Variants in NAA40 observed in about 807,000 individuals in gnomAD.
NAA40 encodes the protein N-alpha-acetyltransferase 40, NatD catalytic subunit.
NAA40 carries 26 observed loss-of-function variants against 36.6 expected under a neutral mutation model. The ratio of observed to expected loss-of-function variants is 0.71; its 90% CI spans 0.52 to 0.98. The LOEUF (loss-of-function observed/expected upper bound fraction) is 0.98, where lower values mean the gene tolerates loss of function less well. NAA40 is among the 50% of genes least tolerant of loss of function. The pLI is 0.00. For missense variants in NAA40, 237 were observed against 306.5 expected (o/e 0.77, Z 1.69); for synonymous variants, 129 against 108.4 (o/e 1.19, Z -1.18).
intron 3 of NAA40, among the ~76,000 whole-genome samples, chr11:63,947,969 C>T (rs1262878988): frequency 6.6e-6 from 1 of 152,074 alleles, no homozygotes; most frequent in Non-Finnish European, 1.5e-5. Flanking sequence ...ATCCACCTGT[C>T]TCAGCCTCCC....
At chr11:63,946,162 C>T (rs956949262) in intron 2 of NAA40, 5 of 556,628 alleles carry the variant, frequency 9.0e-6, no homozygotes, top group Non-Finnish European at 1.6e-5. Flanking sequence ...GTGGCTGCCT[C>T]CCTGTGGATC....
At chr11:63,947,584 T>C (rs1010208085) in intron 3 of NAA40, among the ~76,000 whole-genome samples, 1 of 152,044 alleles carries the variant, frequency 6.6e-6, no homozygotes, top group South Asian at 2.1e-4. Context: ...GGAGTCTTGC[T>C]TAGTCACCCA....
chr11:63,939,149 G>A, intron 1 of NAA40, 47 bp downstream of exon 1: 1 of 1,566,454 alleles, frequency 6.4e-7, no homozygotes, highest in South Asian at 1.1e-5. Flanking sequence ...GGCGCTCCTC[G>A]CTACCCTCGC....
At chr11:63,952,156 C>T (rs1942289240) in intron 3 of NAA40, 82 bp from the exon 4 acceptor site, 8 of 1,105,822 alleles carry the variant, frequency 7.2e-6, no homozygotes, top group Non-Finnish European at 1.1e-5. Context: ...GGGCCTTCCT[C>T]CCTGTGATTC....
intron 3 of NAA40, among the ~76,000 whole-genome samples, chr11:63,947,777 A>C (rs1191428197): frequency 7.5e-6 from 1 of 133,312 alleles, no homozygotes; most frequent in African/African-American, 2.8e-5. Flanking sequence ...TTCAGGCTGG[A>C]GTGCAGTGGT....
rs569541609 is a variant in NAA40, at chr11:63,939,011, G to T, written c.-86G>T. On this transcript the variant is annotated 5_prime_UTR_variant, in exon 1 of 8. Coordinates refer to ENST00000377793, the MANE Select transcript of NAA40 (RefSeq NM_024771.4). ...TGCGCGTTGCAGGGCCGTCCGCTCT[G>T]CTGCCGCCGCTGTTGCAGCCACCGC... is the stretch of plus-strand genomic sequence containing the variant. 158 of 1,354,714 alleles carry T rather than the reference G, an allele frequency of 1.2e-4. No homozygotes were observed. The South Asian group carries it at 1.9e-3, about 16-fold the overall frequency. The allele number at this position is 1,354,714 out of a possible 1,614,324, so 83.9% of individuals were successfully genotyped here. A position where few individuals can be genotyped will look rare whatever the true frequency, so the allele number is the denominator to read the frequency against.
Position 63,940,643 on chromosome 11 carries a change from G to T in NAA40, c.6+1541G>T, listed in dbSNP as rs1326268074. The stretch of plus-strand genomic sequence containing the variant: ...GCCTTAACTTTACTGATCTAAAATG[G>T]ATTTGTGCTATTTTTAACCCATTGG... On this transcript the variant is annotated intron_variant, in intron 1 of 7. Transcript: ENST00000377793. 5.9e-5 allele frequency among the ~76,000 whole-genome samples: 9 copies of T among 152,180 alleles called. No individual in the cohort carries two copies. The South Asian group carries it at 1.5e-3, about 25-fold the overall frequency.
At chr11:63,946,045 A>G in intron 2 of NAA40, 110 bp downstream of exon 2, 1 of 910,690 alleles carries the variant, frequency 1.1e-6, no homozygotes, top group Non-Finnish European at 1.7e-6. Flanking sequence ...ACCCACCCAC[A>G]CCGCCTCTGC....
At chr11:63,947,075 T>C (rs1167088547) in intron 3 of NAA40, 72 bp downstream of exon 3, 38 of 1,441,292 alleles carry the variant, frequency 2.6e-5, no homozygotes, top group Non-Finnish European at 3.6e-5. Context: ...CAGAGTAGGC[T>C]TCCTCAGACA....
chr11:63,943,437 T>G (rs1590750443), intron 1 of NAA40, among the ~76,000 whole-genome samples: 1 of 152,094 alleles, frequency 6.6e-6, no homozygotes, highest in African/African-American at 2.4e-5. Context: ...CGTGGCAGGG[T>G]GCAAGAATCT....
intron 3 of NAA40, 81 bp downstream of exon 3, chr11:63,947,084 C>A: frequency 1.4e-6 from 2 of 1,393,620 alleles, no homozygotes; most frequent in African/African-American, 1.4e-5. Flanking sequence ...CTTCCTCAGA[C>A]ACAAATTTTC....
At chr11:63,939,563 C>A in intron 1 of NAA40, 1 of 869,554 alleles carries the variant, frequency 1.2e-6, no homozygotes, top group Non-Finnish European at 1.4e-6. Flanking sequence ...TCAGACCCCA[C>A]CTTGGGCCTC....
At chr11:63,949,521 G>A (rs1028085144) in intron 3 of NAA40, among the ~76,000 whole-genome samples, 7 of 151,776 alleles carry the variant, frequency 4.6e-5, no homozygotes, top group Non-Finnish European at 7.4e-5. Flanking sequence ...TTTTTTTCTC[G>A]TTTTGGTTTC....
At chr11:63,946,065 G>A (rs1163481774) in intron 2 of NAA40, 130 bp downstream of exon 2, 5 of 797,548 alleles carry the variant, frequency 6.3e-6, no homozygotes, top group African/African-American at 1.7e-5. Context: ...CCTCCTTGCT[G>A]TGCAGGGAAC....
chr11:63,945,462 C>G (rs115260102), intron 1 of NAA40, among the ~76,000 whole-genome samples: 1 of 152,198 alleles, frequency 6.6e-6, no homozygotes, highest in Non-Finnish European at 1.5e-5. Context: ...CTCCCTGAAG[C>G]GGTCTTCAGT....
intron 1 of NAA40, 122 bp downstream of exon 1, chr11:63,939,224 A>AC: frequency 7.1e-6 from 7 of 989,870 alleles, no homozygotes; most frequent in Non-Finnish European, 8.9e-6. Flanking sequence ...GTGACCCCTG[A>AC]CCCCCACATG....
At position 63,950,150 on chromosome 11, in the gene NAA40, C is replaced by T. The variant is rs536696223; in HGVS notation, c.156-2088C>T. Among the ~76,000 whole-genome samples, 343 of 140,394 alleles carry T rather than the reference C, an allele frequency of 2.4e-3. 1 individual carries two copies. Among genetic ancestry groups the T allele is most frequent in the South Asian group, 0.012 (52 of 4,420 alleles). 92.1% of individuals were successfully genotyped at this position (140,394 alleles called of 152,430 possible). On this transcript the variant is annotated intron_variant, in intron 3 of 7. Coordinates refer to ENST00000377793, the MANE Select transcript of NAA40 (RefSeq NM_024771.4). ...TTTTTTTTTTTTTGAGACAGAGTCT[C>T]GCTCTGTGCCTAGGCTGGAGTGCAG...
At chr11:63,942,025 G>A (rs1046851607) in intron 1 of NAA40, among the ~76,000 whole-genome samples, 7 of 152,230 alleles carry the variant, frequency 4.6e-5, no homozygotes, top group African/African-American at 1.4e-4. Context: ...TGACATGGTG[G>A]AAGGAGCATG....
chr11:63,940,340 C>T (rs530297536), intron 1 of NAA40, among the ~76,000 whole-genome samples: 9 of 152,200 alleles, frequency 5.9e-5, no homozygotes, highest in Admixed American at 1.3e-4. Context: ...TGAGCCACCA[C>T]ACAGGCCTAT....
Sources: allele counts gnomAD v4.1 joint callset (sites outside exome capture counted in the v4.1 genomes callset), GRCh38; gene constraint gnomAD v4.1.1; transcripts MANE v1.5; gene names NCBI Gene and HGNC (gene_info 2026-07-23, HGNC 2026-07-21).